CES5A: variants seen among roughly 807,000 people sequenced by gnomAD.
CES5A encodes the protein carboxylesterase 5A, also known as carboxylesterase 5.
A neutral mutation model predicts 62.9 loss-of-function variants in CES5A; 67 were observed. The observed-to-expected ratio is 1.07, with a 90% CI of 0.88 to 1.31. The LOEUF is 1.31. Ranked by LOEUF, CES5A falls within the 50% of genes most tolerant of loss-of-function variation. CES5A has a pLI of 0.00. For synonymous variants in CES5A, 296 were observed against 280.8 expected (o/e 1.05, Z -0.54); for missense variants, 748 against 708.5 (o/e 1.06, Z -0.63).
Position 55,846,547 on chromosome 16 carries a change from G to T in CES5A, c.1632C>A (p.Pro544=). 6.2e-7 allele frequency: 1 copy of T among 1,614,162 alleles called. No homozygotes were observed. The highest frequency in any genetic ancestry group is 8.5e-7 in the Non-Finnish European group (1 of 1,180,030). Residue 544 remains proline (P), a synonymous_variant, in exon 13 of 13, where the codon CCC becomes CCA. Transcript: ENST00000290567. ...PRVDFWTSTI[P]LILSASDMLH... ...GCATGTCGGAGGCAGACAGGATCAG[G>T]GGGATGGTGCTGGTCCAAAAATCCA...
intron 1 of CES5A, among the ~76,000 whole-genome samples, chr16:55,921,195 G>T (rs1243692315): frequency 1.3e-5 from 2 of 152,068 alleles, no homozygotes; most frequent in African/African-American, 4.8e-5. Flanking sequence ...GAGATAAAAA[G>T]CTTTACTCAA....
chr16:55,865,605 T>C (rs763575149), intron 5 of CES5A, among the ~76,000 whole-genome samples: 1 of 152,232 alleles, frequency 6.6e-6, no homozygotes, highest in East Asian at 1.9e-4. Flanking sequence ...TAAAATAAAA[T>C]ATTTACATGT....
At chr16:55,914,326 C>G (rs990036368) in intron 1 of CES5A, among the ~76,000 whole-genome samples, 1 of 152,158 alleles carries the variant, frequency 6.6e-6, no homozygotes, top group African/African-American at 2.4e-5. Flanking sequence ...ACTTTCTCCC[C>G]TCTTCAAGAA....
chr16:55,864,951 A>G (rs1187746792), intron 5 of CES5A, among the ~76,000 whole-genome samples: 1 of 152,154 alleles, frequency 6.6e-6, no homozygotes, highest in Non-Finnish European at 1.5e-5. Context: ...TCACGCCTGT[A>G]ATCCCAGCAC....
At chr16:55,955,826 C>G in intron 1 of CES5A, 1 of 1,535,824 alleles carries the variant, frequency 6.5e-7, no homozygotes, top group Non-Finnish European at 8.7e-7. Context: ...GCAGTAGCAC[C>G]CTGTGGCTAA....
chr16:55,903,650 GA>G (rs1463794166), intron 1 of CES5A, among the ~76,000 whole-genome samples: 1 of 152,184 alleles, frequency 6.6e-6, no homozygotes, highest in East Asian at 1.9e-4. Flanking sequence ...AAAAATAAAA[GA>G]CAGTGAGGGA....
Position 55,859,568 on chromosome 16 carries a change from C to T in CES5A, c.1035G>A (p.Glu345=). 2.5e-6 allele frequency: 4 copies of T among 1,613,284 alleles called. No homozygotes were observed. Among genetic ancestry groups the T allele is most frequent in the Non-Finnish European group, 3.4e-6 (4 of 1,179,868 alleles). The change falls in exon 8 of 13, where the codon GAG becomes GAA. Residue 345 remains glutamate (E), a synonymous_variant. Transcript: ENST00000290567. ...TTACCATAGGCAGCAGGAAGCCACA[C>T]TCGTGGTTATTGACTCCGATGATGG... ...IPSIIGVNNH[E]CGFLLPMKEA...
intron 2 of CES5A, 94 bp downstream of exon 2, chr16:55,873,739 T>A: frequency 8.6e-7 from 1 of 1,168,156 alleles, no homozygotes; most frequent in Non-Finnish European, 1.2e-6. Context: ...CCCCCATCCA[T>A]GCCAATCCCT....
upstream of CES5A, among the ~76,000 whole-genome samples, chr16:55,876,051 T>C (rs527290555): frequency 6.6e-6 from 1 of 152,356 alleles, no homozygotes; most frequent in South Asian, 2.1e-4. Context: ...AACTTTTTAG[T>C]GCTTTGCTTT....
upstream of CES5A, among the ~76,000 whole-genome samples, chr16:55,926,068 G>A (rs999732428): frequency 8.5e-5 from 13 of 152,196 alleles, no homozygotes; most frequent in East Asian, 1.9e-3. Flanking sequence ...TCTGTAGAGT[G>A]ACTATAGTTT....
intron 1 of CES5A, among the ~76,000 whole-genome samples, chr16:55,953,960 T>G (rs1177697980): frequency 6.6e-6 from 1 of 152,204 alleles, no homozygotes; most frequent in Non-Finnish European, 1.5e-5. Flanking sequence ...GTCAGCCTGT[T>G]GTGCTATCAA....
intron 2 of CES5A, among the ~76,000 whole-genome samples, chr16:55,947,743 T>C (rs2034512138): frequency 6.6e-6 from 1 of 152,008 alleles, no homozygotes; most frequent in African/African-American, 2.4e-5. Flanking sequence ...TGAAGATATC[T>C]GGGCATTTTC....
At chr16:55,943,780 A>C (rs1158925531) in intron 2 of CES5A, among the ~76,000 whole-genome samples, 1 of 152,172 alleles carries the variant, frequency 6.6e-6, no homozygotes, top group Non-Finnish European at 1.5e-5. Context: ...CAGAACAGAA[A>C]GACAGGCCGG....
At chr16:55,953,664 A>G (rs2034580703) in intron 1 of CES5A, among the ~76,000 whole-genome samples, 1 of 152,186 alleles carries the variant, frequency 6.6e-6, no homozygotes, top group South Asian at 2.1e-4. Context: ...TAGGTGGAGT[A>G]GAGCTTAAAT....
chr16:55,873,715 T>C, intron 2 of CES5A, 118 bp downstream of exon 2: 2 of 937,394 alleles, frequency 2.1e-6, no homozygotes, highest in Non-Finnish European at 3.2e-6. Flanking sequence ...TCTCAAGCCC[T>C]CTCTCTCCCT....
At chr16:55,941,063 T>C (rs573605772) in intron 2 of CES5A, among the ~76,000 whole-genome samples, 62 of 152,160 alleles carry the variant, frequency 4.1e-4, no homozygotes, top group Non-Finnish European at 5.4e-4. Flanking sequence ...TGGCAAATTA[T>C]GAATGTTTTT....
intron 2 of CES5A, among the ~76,000 whole-genome samples, chr16:55,932,025 G>A (rs532351699): frequency 6.6e-6 from 1 of 152,304 alleles, no homozygotes; most frequent in East Asian, 1.9e-4. Context: ...TTCATAAATG[G>A]ATTAATTCAC....
chr16:55,937,154 A>G (rs768583224), intron 2 of CES5A, among the ~76,000 whole-genome samples: 1 of 152,176 alleles, frequency 6.6e-6, no homozygotes, highest in South Asian at 2.1e-4. Context: ...GTCCTTCAAG[A>G]CCCACCTCAA....
intron 1 of CES5A, among the ~76,000 whole-genome samples, chr16:55,881,556 CATG>C (rs1221616016): frequency 6.6e-6 from 1 of 152,150 alleles, no homozygotes; most frequent in Non-Finnish European, 1.5e-5. Flanking sequence ...GAAGCAGGGA[CATG>C]ATGACAGCCT....
Sources: gnomAD v4.1 joint callset for allele counts (sites outside exome capture counted in the v4.1 genomes callset) on GRCh38, gnomAD v4.1.1 for gene constraint, MANE v1.5 for transcripts, NCBI Gene and HGNC (gene_info 2026-07-23, HGNC 2026-07-21) for gene names.